RUSC2: variants seen among roughly 807,000 people sequenced by gnomAD.
RUSC2 encodes AP-4 complex accessory subunit RUSC2.
RUSC2 carries 34 observed loss-of-function variants against 122.2 expected under a neutral mutation model. The observed-to-expected ratio is 0.28, with a 90% confidence interval of 0.21 to 0.37. RUSC2 has a LOEUF of 0.37. Among genes scored for constraint, RUSC2 ranks in the 10% least tolerant of loss-of-function variants. The pLI is 1.00. For missense variants in RUSC2, 1,747 were observed against 1,952.4 expected, an observed-to-expected ratio of 0.89 and a Z score of 1.98; for synonymous variants, 784 against 790.0, an observed-to-expected ratio of 0.99 and a Z score of 0.13.
intron 1 of RUSC2, among the ~76,000 whole-genome samples, chr9:35,501,438 A>G (rs1417801592): frequency 3.3e-5 from 5 of 152,206 alleles, no homozygotes; most frequent in Non-Finnish European, 7.3e-5. Flanking sequence ...TTAGCCAGGC[A>G]TGGTGGGGGG....
chr9:35,555,327 G>A lies in RUSC2; in HGVS notation c.2282G>A (p.Gly761Asp), dbSNP rs929368608. The A allele has an allele frequency of 3.7e-6, 6 of 1,614,220 alleles. No individual in the cohort carries two copies. The highest frequency in any genetic ancestry group is 5.1e-6 in the Non-Finnish European group (6 of 1,180,044). Residue 761 changes from glycine to aspartate, a missense_variant, in exon 3 of 12, where the codon GGT (glycine) becomes GAT (aspartate). Gly to Asp is a moderately conservative substitution (Grantham distance 94). Coordinates refer to ENST00000361226, the MANE Select transcript of RUSC2 (RefSeq NM_014806.5). The surrounding 1 kb of genome is among the most constrained non-coding windows in gnomAD (Gnocchi z 4.6). Reference protein sequence around the residue: ...QASTPRATGRGARKAGSEPET... With the variant: ...QASTPRATGRDARKAGSEPET... Reference sequence around the variant, plus strand: ...TCCACTCCCCGAGCCACTGGCAGAGGTGCCAGGAAAGCTGGGTCTGAGCCA... The same window carrying A: ...TCCACTCCCCGAGCCACTGGCAGAGATGCCAGGAAAGCTGGGTCTGAGCCA...
At chr9:35,526,929 A>G (rs1390025034) in intron 1 of RUSC2, among the ~76,000 whole-genome samples, 1 of 152,174 alleles carries the variant, frequency 6.6e-6, no homozygotes, top group Non-Finnish European at 1.5e-5. Context: ...ATCTCTTCAA[A>G]TATTACCTCT....
In RUSC2 at chr9:35,558,696, G is replaced by A. The variant is rs901800171; in HGVS notation, c.3341+129G>A. On this transcript the variant is annotated intron_variant, in intron 8 of 11. Transcript: ENST00000361226. The surrounding 1 kb of genome is among the most constrained non-coding windows in gnomAD (Gnocchi z 4.3). ...TGGATCTGGAGGGTCCCCTCAGCCC[G>A]CTATGGCCTCTCAGTAGGTCACTGC... 1.1e-4 allele frequency: 82 copies of A among 743,918 alleles called. No homozygotes were observed. Among genetic ancestry groups the A allele is most frequent in the Admixed American group, 7.7e-4 (36 of 47,008 alleles). The allele number at this position is 743,918 out of a possible 1,614,324, so 46.1% of individuals were successfully genotyped here. A position where few individuals can be genotyped will look rare whatever the true frequency, so the allele number is the denominator to read the frequency against.
At chr9:35,512,009 T>C (rs1821018831) in intron 1 of RUSC2, among the ~76,000 whole-genome samples, 2 of 152,022 alleles carry the variant, frequency 1.3e-5, no homozygotes, top group Admixed American at 1.3e-4. Flanking sequence ...TGAAACCCCG[T>C]CTCTACTAAA....
At chr9:35,519,315 T>A (rs1447634631) in intron 1 of RUSC2, among the ~76,000 whole-genome samples, 3 of 152,178 alleles carry the variant, frequency 2.0e-5, no homozygotes, top group African/African-American at 7.2e-5. Flanking sequence ...TATTAACCCA[T>A]AGGCCTCACA....
At chr9:35,495,080 GTATATATTATATATAC>G (rs1192960825) in intron 1 of RUSC2, among the ~76,000 whole-genome samples, 5 of 6,452 alleles carry the variant, frequency 7.7e-4, no homozygotes, top group African/African-American at 6.0e-3. Context: ...ATTATATATA[GTATATATTATATATAC>G]TATAGTATAT....
Position 35,555,005 on chromosome 9 carries a change from C to A in RUSC2, c.2015-55C>A. ...TCCCATCTCTGCTTCTGGGTTTTCT[C>A]TCATATGGGTTTCAGTGTCTGTCTA... On this transcript the variant is annotated intron_variant, in intron 2 of 11. Coordinates refer to ENST00000361226, the MANE Select transcript of RUSC2 (RefSeq NM_014806.5). The surrounding 1 kb of genome is among the most constrained non-coding windows in gnomAD (Gnocchi z 4.6). 6.3e-7 allele frequency: 1 copy of A among 1,596,120 alleles called. No individual in the cohort carries two copies. Among genetic ancestry groups the A allele is most frequent in the Non-Finnish European group, 8.5e-7 (1 of 1,175,534 alleles).
chr9:35,548,123 T>G lies in RUSC2; in HGVS notation c.1602T>G (p.Pro534=). 1 of 1,613,268 alleles carries G rather than the reference T, an allele frequency of 6.2e-7. No individual in the cohort carries two copies. The highest frequency in any genetic ancestry group is 1.3e-5 in the African/African-American group (1 of 75,072). ...LSEGPAAMAG[P]GSPPRRVTSF... ...AGGGCCCTGCAGCCATGGCCGGGCC[T>G]GGCTCCCCACCCAGGAGGGTCACCT... The change falls in exon 2 of 12, where the codon CCT becomes CCG. Residue 534 remains proline (P), a synonymous_variant. Transcript: ENST00000361226. The surrounding 1 kb of genome is among the most constrained non-coding windows in gnomAD (Gnocchi z 4.5).
At chr9:35,497,217 C>T (rs961573782) in intron 1 of RUSC2, among the ~76,000 whole-genome samples, 2 of 152,156 alleles carry the variant, frequency 1.3e-5, no homozygotes, top group Non-Finnish European at 2.9e-5. Flanking sequence ...AGAGATACGA[C>T]ACAGCAGTAC....
chr9:35,548,413 C>T lies in RUSC2; in HGVS notation c.1892C>T (p.Pro631Leu), dbSNP rs2132555312. 2 of 1,614,044 alleles carry T rather than the reference C, an allele frequency of 1.2e-6. No individual in the cohort carries two copies. The highest frequency in any genetic ancestry group is 8.5e-7 in the Non-Finnish European group (1 of 1,180,026). Residue 631 changes from proline to leucine, a missense_variant, in exon 2 of 12, where the codon CCT becomes CTT. Pro to Leu is a moderately conservative substitution (Grantham distance 98, BLOSUM62 -3). Coordinates refer to ENST00000361226, the MANE Select transcript of RUSC2 (RefSeq NM_014806.5). This position sits in a 1 kb window ranked among gnomAD's most constrained non-coding sequence, Gnocchi z 4.5. Reference sequence around the variant, plus strand: ...CAGGGACCCCACTCCAGTGAGATGCCTCCTGCTGGCCTCAGAGCTACTGGG... The same window carrying T: ...CAGGGACCCCACTCCAGTGAGATGCTTCCTGCTGGCCTCAGAGCTACTGGG... ...VCQGPHSSEM[P>L]PAGLRATGQG...
intron 1 of RUSC2, among the ~76,000 whole-genome samples, chr9:35,517,249 A>G (rs1255857736): frequency 6.6e-6 from 1 of 152,242 alleles, no homozygotes; most frequent in East Asian, 1.9e-4. Context: ...CACCATCAAC[A>G]AAGAATAGAT....
rs1211318275 is a variant in RUSC2 at position 35,555,977 on chromosome 9, C to G, written c.2682C>G (p.Leu894=). 1 of 1,614,232 alleles carries G rather than the reference C, an allele frequency of 6.2e-7. No homozygotes were observed. The highest frequency in any genetic ancestry group is 8.5e-7 in the Non-Finnish European group (1 of 1,180,038). The change falls in exon 4 of 12, where the codon CTC becomes CTG. Residue 894 remains leucine (L), a synonymous_variant. Coordinates refer to ENST00000361226, the MANE Select transcript of RUSC2 (RefSeq NM_014806.5). This position sits in a 1 kb window ranked among gnomAD's most constrained non-coding sequence, Gnocchi z 4.6. ...CCAACCACCTATCCCCTCAAGCCCT[C>G]AAGTGGCGGGAATACAGGAGGAAGA... is the stretch of plus-strand genomic sequence containing the variant. ...SNANHLSPQA[L]KWREYRRKNP...
chr9:35,547,314 T>A lies in RUSC2; in HGVS notation c.793T>A (p.Ser265Thr), dbSNP rs746043437. ...TSSQSEAADQ[S>T]MGYVSDSSCN... is the part of the protein sequence containing the mutation. ...CAGTCAGTCCGAGGCAGCTGACCAGTCCATGGGCTATGTGAGCGACTCCTC... is the reference window on the plus strand; with the variant it reads ...CAGTCAGTCCGAGGCAGCTGACCAGACCATGGGCTATGTGAGCGACTCCTC... The change falls in exon 2 of 12, where the codon TCC becomes ACC. Residue 265 changes from serine to threonine, a missense_variant. By Grantham distance (58) the Ser-to-Thr change is moderately conservative. Transcript: ENST00000361226. The surrounding 1 kb of genome is among the most constrained non-coding windows in gnomAD (Gnocchi z 4.6). 1.9e-6 allele frequency: 3 copies of A among 1,614,132 alleles called. No homozygotes were observed. In the South Asian group the frequency reaches 3.3e-5, roughly 18 times the overall value.
chr9:35,497,733 C>T (rs1820746932), intron 1 of RUSC2, among the ~76,000 whole-genome samples: 1 of 152,152 alleles, frequency 6.6e-6, no homozygotes, highest in African/African-American at 2.4e-5. Flanking sequence ...TGGCAGTGGG[C>T]CCATTAGTAG....
At chr9:35,542,644 C>T (rs1284068727) in intron 1 of RUSC2, among the ~76,000 whole-genome samples, 1 of 152,202 alleles carries the variant, frequency 6.6e-6, no homozygotes, top group African/African-American at 2.4e-5. Flanking sequence ...AATAACCAGG[C>T]ACCTACTGTG....
chr9:35,530,423 G>A (rs1054094759), intron 1 of RUSC2, among the ~76,000 whole-genome samples: 1 of 152,074 alleles, frequency 6.6e-6, no homozygotes, highest in Non-Finnish European at 1.5e-5. Context: ...ACGTATAATT[G>A]GTATTGAAGT....
chr9:35,507,575 T>A (rs1417266437), intron 1 of RUSC2: 1 of 220,032 alleles, frequency 4.5e-6, no homozygotes, highest in Non-Finnish European at 9.5e-6. Flanking sequence ...TGGTGAATGT[T>A]CCCCAAACCC....
At chr9:35,510,802 C>T (rs780511771) in intron 1 of RUSC2, among the ~76,000 whole-genome samples, 1 of 152,216 alleles carries the variant, frequency 6.6e-6, no homozygotes, top group Non-Finnish European at 1.5e-5. Context: ...GGTCCTGCCT[C>T]CTTTGGGTGG....
chr9:35,534,976 G>GT (rs928299822), intron 1 of RUSC2, among the ~76,000 whole-genome samples: 123 of 145,410 alleles, frequency 8.5e-4, no homozygotes, highest in African/African-American at 1.4e-3. Context: ...GTCAGTTTAT[G>GT]TTTTTTTTTT....
Sources: allele counts gnomAD v4.1 joint callset (sites outside exome capture counted in the v4.1 genomes callset), GRCh38; gene constraint gnomAD v4.1.1; non-coding constraint Gnocchi (gnomAD v3.1); transcripts MANE v1.5; gene names NCBI Gene and HGNC (gene_info 2026-07-23, HGNC 2026-07-21).